The following HEATR5B variants were observed in gnomAD, a reference collection of about 807,000 sequenced individuals.
HEATR5B encodes the protein HEAT repeat-containing protein 5B.
HEATR5B carries 156 observed loss-of-function variants against 224.1 expected under a neutral mutation model. The ratio of observed to expected loss-of-function variants is 0.70; its 90% CI spans 0.61 to 0.80. HEATR5B has a LOEUF of 0.80. Ranked by LOEUF, HEATR5B falls within the 30% of genes least tolerant of loss-of-function variation. The probability of loss-of-function intolerance (pLI) is 0.00; values close to 1 mark genes in which losing one functional copy is unlikely to be tolerated. For missense variants in HEATR5B, 2,323 were observed against 2,535.5 expected (o/e 0.92, Z 1.80); for synonymous variants, 1,027 against 893.0 (o/e 1.15, Z -2.68).
intron 28 of HEATR5B, 25 bp from the exon 29 acceptor site, chr2:37,007,329 A>C (rs1667487474): frequency 1.3e-6 from 2 of 1,564,038 alleles, no homozygotes; most frequent in African/African-American, 2.8e-5. Flanking sequence ...AATCAATTAA[A>C]AACATTACTT....
intron 29 of HEATR5B, among the ~76,000 whole-genome samples, chr2:37,006,042 T>C (rs902273286): frequency 6.6e-6 from 1 of 152,198 alleles, no homozygotes; most frequent in Non-Finnish European, 1.5e-5. Flanking sequence ...TCTAGGACTT[T>C]TAAAATAATA....
Position 37,077,018 on chromosome 2 carries a change from C to G in HEATR5B, c.340G>C (p.Ala114Pro), listed in dbSNP as rs759479489. The G allele has an allele frequency of 1.2e-6, 2 of 1,612,256 alleles. No homozygotes were observed. Among genetic ancestry groups the G allele is most frequent in the Non-Finnish European group, 1.7e-6 (2 of 1,178,608 alleles). Residue 114 changes from alanine to proline, a missense_variant and splice_region_variant, in exon 4 of 36, where the codon GCT (alanine) becomes CCT (proline). By Grantham distance (27) the Ala-to-Pro change is conservative (BLOSUM62 -1). Coordinates refer to ENST00000233099, the MANE Select transcript of HEATR5B (RefSeq NM_019024.3). ...DTAAYLPTKL[A>P]AVACVGAFYE... is the part of the protein sequence containing the mutation. The stretch of plus-strand genomic sequence containing the variant: ...AATGCTCCGACACAAGCCACCGCAG[C>G]CCTGTAAGAAGTGACAACTTCACTA...
At chr2:37,066,962 T>C (rs1671626286) in intron 8 of HEATR5B, among the ~76,000 whole-genome samples, 1 of 152,020 alleles carries the variant, frequency 6.6e-6, no homozygotes, top group African/African-American at 2.4e-5. Context: ...CTCTGCCTCC[T>C]GGGTTCAAGC....
At chr2:37,058,344 C>A in intron 14 of HEATR5B, 107 bp downstream of exon 14, 1 of 652,644 alleles carries the variant, frequency 1.5e-6, no homozygotes, top group Non-Finnish European at 2.8e-6. Flanking sequence ...AAATGGTGGC[C>A]TTCCTTTGCA....
intron 22 of HEATR5B, 41 bp downstream of exon 22, chr2:37,032,588 T>C (rs768602083): frequency 3.9e-6 from 6 of 1,536,492 alleles, no homozygotes; most frequent in Admixed American, 1.9e-5. Context: ...AATGTAAAAG[T>C]AGTTAAACAA....
At position 37,049,850 on chromosome 2, in the gene HEATR5B, TAAA is replaced by T. The variant is rs60184195; in HGVS notation, c.2506-10_2506-8del. On this transcript the variant is annotated splice_polypyrimidine_tract_variant and splice_region_variant and intron_variant, in intron 17 of 35. Transcript: ENST00000233099. ...TTTTGTTTTCAGCTAAGCCCTACAT[TAAA>T]AAAAAAAAAAAAAAAAAGACAGCAA... is the stretch of plus-strand genomic sequence containing the variant. The T allele has an allele frequency of 0.053, 52,296 of 978,750 alleles. 7 individuals are homozygous for T. The highest frequency in any genetic ancestry group is 0.055 in the Non-Finnish European group (42,804 of 771,854). 60.6% of individuals were successfully genotyped at this position (978,750 alleles called of 1,614,324 possible).
chr2:36,988,849 T>C lies in HEATR5B; in HGVS notation c.5708A>G (p.Lys1903Arg). Reference protein sequence around the residue: ...LNSCDPWVQAKCYQLLLSVFQ... With the variant: ...LNSCDPWVQARCYQLLLSVFQ... Reference sequence around the variant, plus strand: ...GACTGAGAGGAGAAGCTGGTAACATTTGGCTTGAACCTATATAAGAAGAAC... The same window carrying C: ...GACTGAGAGGAGAAGCTGGTAACATCTGGCTTGAACCTATATAAGAAGAAC... The change falls in exon 35 of 36, where the codon AAA becomes AGA. Residue 1903 changes from lysine to arginine, a missense_variant. By Grantham distance (26) the Lys-to-Arg change is conservative (BLOSUM62 2). This residue lies in a region of HEATR5B where 844 missense variants were observed against 812.9 expected (regional missense o/e 1.04). Coordinates refer to ENST00000233099, the MANE Select transcript of HEATR5B (RefSeq NM_019024.3). The C allele has an allele frequency of 6.2e-7, 1 of 1,613,862 alleles. No homozygotes were observed. Among genetic ancestry groups the C allele is most frequent in the Non-Finnish European group, 8.5e-7 (1 of 1,179,786 alleles).
intron 18 of HEATR5B, among the ~76,000 whole-genome samples, chr2:37,043,097 T>C (rs1200571835): frequency 3.3e-5 from 5 of 152,002 alleles, no homozygotes; most frequent in Non-Finnish European, 5.9e-5. Context: ...AATGTTAGAG[T>C]TGAGCAAACT....
At chr2:36,999,528 C>T (rs374930401) in intron 33 of HEATR5B, among the ~76,000 whole-genome samples, 81 of 151,296 alleles carry the variant, frequency 5.4e-4, no homozygotes, top group African/African-American at 1.8e-3. Flanking sequence ...AAAATACACA[C>T]GTTAGCCAGG....
intron 31 of HEATR5B, 150 bp from the exon 32 acceptor site, chr2:37,002,722 A>G (rs1406455847): frequency 3.0e-5 from 23 of 778,584 alleles, no homozygotes. Flanking sequence ...CTGCCTCCCT[A>G]GAATTCTGTG....
chr2:37,025,124 C>T (rs370993457), intron 24 of HEATR5B, among the ~76,000 whole-genome samples: 2 of 152,102 alleles, frequency 1.3e-5, no homozygotes, highest in African/African-American at 4.8e-5. Flanking sequence ...TTCATATACT[C>T]TGCCATGACT....
At chr2:37,054,913 C>A (rs984046254) in intron 16 of HEATR5B, among the ~76,000 whole-genome samples, 10 of 152,170 alleles carry the variant, frequency 6.6e-5, no homozygotes, top group African/African-American at 2.4e-4. Context: ...GTAATAAAAT[C>A]TCCCTGAGGT....
intron 17 of HEATR5B, among the ~76,000 whole-genome samples, chr2:37,052,357 G>T (rs571275466): frequency 9.2e-5 from 14 of 152,156 alleles, no homozygotes; most frequent in African/African-American, 3.4e-4. Context: ...CTGTCAATGG[G>T]AACTTGTTTC....
At chr2:37,042,614 G>A (rs191375122) in intron 18 of HEATR5B, among the ~76,000 whole-genome samples, 5 of 152,258 alleles carry the variant, frequency 3.3e-5, no homozygotes, top group Admixed American at 2.0e-4. Flanking sequence ...GAGGCAGGCC[G>A]GGCACAGTGG....
rs181784708 is a variant in HEATR5B at position 37,058,678 on chromosome 2, T to G, written c.1950-118A>C. On this transcript the variant is annotated intron_variant, in intron 13 of 35. Transcript: ENST00000233099. ...CACTGATAAGTATACACTTTCATTT[T>G]AGCTTATGTTGTGATCTTTGCTGTA... The G allele has an allele frequency of 3.3e-3, 2,421 of 738,174 alleles. 2 individuals carry two copies. The highest frequency in any genetic ancestry group is 4.5e-3 in the Non-Finnish European group (1,985 of 440,574). The allele number at this position is 738,174 out of a possible 1,614,324, so 45.7% of individuals were successfully genotyped here.
chr2:37,038,999 T>C (rs1669704367), intron 20 of HEATR5B, among the ~76,000 whole-genome samples: 1 of 150,784 alleles, frequency 6.6e-6, no homozygotes. Flanking sequence ...TCTGTCAAAA[T>C]GGAGGAAACA....
intron 21 of HEATR5B, among the ~76,000 whole-genome samples, chr2:37,035,680 T>A (rs536134405): frequency 1.3e-5 from 2 of 152,302 alleles, no homozygotes; most frequent in East Asian, 3.9e-4. Flanking sequence ...TCTGGCTGAC[T>A]CCTTTCCTCT....
At position 36,988,706 on chromosome 2, in the gene HEATR5B, C is replaced by G; in HGVS notation, c.5851G>C (p.Ala1951Pro). ...AGAACTTTTATTCCTTCTTGAACCG[C>G]TAAAAGCTCTATGTTACTGGCTGGT... is the stretch of plus-strand genomic sequence containing the variant. ...NRPASNIELL[A>P]VQEGIKVLET... The change falls in exon 35 of 36, where the codon GCG becomes CCG. Residue 1951 changes from alanine (A) to proline (P), a missense_variant. Physicochemically the swap from Ala to Pro is conservative, Grantham distance 27. Coordinates refer to ENST00000233099, the MANE Select transcript of HEATR5B (RefSeq NM_019024.3). The G allele has an allele frequency of 6.2e-7, 1 of 1,614,126 alleles. No homozygotes were observed.
At chr2:36,982,345 C>A (rs1384837128) in intron 35 of HEATR5B, among the ~76,000 whole-genome samples, 1 of 152,162 alleles carries the variant, frequency 6.6e-6, no homozygotes, top group East Asian at 1.9e-4. Context: ...CTATGTCCGA[C>A]TGATATAAAT....
Sources: allele counts gnomAD v4.1 joint callset (sites outside exome capture counted in the v4.1 genomes callset), GRCh38; gene constraint gnomAD v4.1.1; regional missense constraint gnomAD v4.1.1; transcripts MANE v1.5; gene names NCBI Gene and HGNC (gene_info 2026-07-23, HGNC 2026-07-21).